ADAMTS16: variants seen among roughly 807,000 people sequenced by gnomAD.
The protein encoded by ADAMTS16 is A disintegrin and metalloproteinase with thrombospondin motifs 16.
In ADAMTS16, 94 loss-of-function variants were observed where a neutral mutation model predicts 145.8. The ratio of observed to expected loss-of-function variants is 0.64; its 90% CI spans 0.55 to 0.77. The LOEUF (loss-of-function observed/expected upper bound fraction) is 0.77, where lower values mean the gene tolerates loss of function less well. Ranked by LOEUF, ADAMTS16 falls within the 30% of genes least tolerant of loss-of-function variation. ADAMTS16 has a pLI of 0.00. For synonymous variants in ADAMTS16, 659 were observed against 604.3 expected (o/e 1.09, Z -1.33); for missense variants, 1,585 against 1,591.5 (o/e 1.00, Z 0.07).
chr5:5,300,787 A>T (rs1400464325), intron 18 of ADAMTS16, among the ~76,000 whole-genome samples: 2 of 152,170 alleles, frequency 1.3e-5, no homozygotes, highest in Non-Finnish European at 2.9e-5. Flanking sequence ...CTCTAAAATT[A>T]CTTGAGTCAC....
intron 14 of ADAMTS16, among the ~76,000 whole-genome samples, chr5:5,238,627 G>A (rs34149058): frequency 3.1e-3 from 465 of 152,236 alleles, no homozygotes; most frequent in Middle Eastern, 0.027. Flanking sequence ...CTCTTTGTTA[G>A]AAAGTGTAAT....
chr5:5,217,887 C>T (rs1414838279), intron 10 of ADAMTS16, among the ~76,000 whole-genome samples: 1 of 152,170 alleles, frequency 6.6e-6, no homozygotes, highest in Non-Finnish European at 1.5e-5. Context: ...ATCATCATTG[C>T]TTTGGTGGCC....
intron 10 of ADAMTS16, among the ~76,000 whole-genome samples, chr5:5,219,540 G>T (rs767420917): frequency 6.6e-6 from 1 of 152,216 alleles, no homozygotes; most frequent in Non-Finnish European, 1.5e-5. Context: ...GTTTGTATGG[G>T]ACAGAGTGTC....
chr5:5,185,391 G>A (rs138097483), intron 4 of ADAMTS16, among the ~76,000 whole-genome samples: 139 of 152,272 alleles, frequency 9.1e-4, no homozygotes, highest in African/African-American at 3.2e-3. Flanking sequence ...TTTCAATGTA[G>A]TGTTAACCTA....
At chr5:5,285,436 C>T (rs773545265) in intron 18 of ADAMTS16, among the ~76,000 whole-genome samples, 4 of 152,230 alleles carry the variant, frequency 2.6e-5, no homozygotes, top group Non-Finnish European at 5.9e-5. Flanking sequence ...AACTCGGGTG[C>T]AGCCCCGACT....
chr5:5,194,343 G>A (rs1391565865), intron 8 of ADAMTS16, among the ~76,000 whole-genome samples: 1 of 152,172 alleles, frequency 6.6e-6, no homozygotes, highest in Non-Finnish European at 1.5e-5. Context: ...AGTAGTAACG[G>A]TAATGATAAT....
rs1184968571 is a variant in ADAMTS16, at chr5:5,269,912, T to C, written c.2789+7129T>C. On this transcript the variant is annotated intron_variant, in intron 18 of 22. Coordinates refer to ENST00000274181, the MANE Select transcript of ADAMTS16 (RefSeq NM_139056.4). The surrounding 1 kb of genome is among the most constrained non-coding windows in gnomAD (Gnocchi z 4.3). ...GCAGTTCAGCAGCAGAGGGCCAGTC[T>C]AGGGGAAGCTGGAGCTGATGTGTCC... Among the ~76,000 whole-genome samples the C allele has an allele frequency of 1.3e-5, 2 of 152,184 alleles. No individual in the cohort carries two copies. Among genetic ancestry groups the C allele is most frequent in the Non-Finnish European group, 2.9e-5 (2 of 68,016 alleles).
intron 11 of ADAMTS16, among the ~76,000 whole-genome samples, chr5:5,228,401 A>G (rs550812730): frequency 4.5e-4 from 69 of 152,358 alleles, no homozygotes; most frequent in African/African-American, 1.6e-3. Flanking sequence ...TTTTTAATAT[A>G]TAAAAGAGAT....
At chr5:5,297,051 T>G (rs1437529665) in intron 18 of ADAMTS16, among the ~76,000 whole-genome samples, 1 of 152,186 alleles carries the variant, frequency 6.6e-6, no homozygotes, top group Non-Finnish European at 1.5e-5. Flanking sequence ...ACAACAGCAC[T>G]GTTTTGGAGA....
intron 10 of ADAMTS16, among the ~76,000 whole-genome samples, chr5:5,210,402 AG>A (rs1421614841): frequency 9.2e-5 from 14 of 152,186 alleles, no homozygotes; most frequent in Non-Finnish European, 1.2e-4. Context: ...TTTATTATTG[AG>A]GACATATTTA....
At chr5:5,235,968 C>T (rs191821705) in intron 13 of ADAMTS16, among the ~76,000 whole-genome samples, 2 of 152,268 alleles carry the variant, frequency 1.3e-5, no homozygotes, top group East Asian at 1.9e-4. Context: ...CAAGCAATTT[C>T]CCGGAAGCAT....
intron 8 of ADAMTS16, among the ~76,000 whole-genome samples, chr5:5,192,233 C>G (rs1317784142): frequency 2.0e-5 from 3 of 152,162 alleles, no homozygotes; most frequent in Non-Finnish European, 4.4e-5. Context: ...GCACAAGTTT[C>G]CATGTCCCTG....
chr5:5,148,938 G>T (rs566202776), intron 3 of ADAMTS16, among the ~76,000 whole-genome samples: 4 of 152,072 alleles, frequency 2.6e-5, no homozygotes, highest in African/African-American at 9.7e-5. Flanking sequence ...GAGTGTCAGG[G>T]TAGGATTTTA....
At chr5:5,219,279 ATTG>A (rs1736525532) in intron 10 of ADAMTS16, among the ~76,000 whole-genome samples, 1 of 152,170 alleles carries the variant, frequency 6.6e-6, no homozygotes, top group Non-Finnish European at 1.5e-5. Flanking sequence ...TATACAATAA[ATTG>A]TTGTTAACTA....
intron 21 of ADAMTS16, among the ~76,000 whole-genome samples, chr5:5,308,636 C>T (rs559903595): frequency 1.3e-5 from 2 of 152,238 alleles, no homozygotes; most frequent in African/African-American, 2.4e-5. Flanking sequence ...TTGTGGGCCC[C>T]GAGCCTAGTA....
chr5:5,176,225 C>T (rs1480065042), intron 3 of ADAMTS16: 1 of 152,266 alleles, frequency 6.6e-6, no homozygotes, highest in Non-Finnish European at 1.5e-5. Context: ...CTCTCTCCCA[C>T]TGAAATGTTT....
At position 5,235,093 on chromosome 5, in the gene ADAMTS16, A is replaced by T; in HGVS notation, c.1930A>T (p.Ser644Cys). 6.2e-7 allele frequency: 1 copy of T among 1,608,270 alleles called. No homozygotes were observed. The highest frequency in any genetic ancestry group is 1.1e-5 in the South Asian group (1 of 90,878). ...CAACAGTCAGAAATGTCCCCGGGAC[A>T]GTGTTGACTTCCGTGCTGCTCAGTG... ...LCNSQKCPRD[S>C]VDFRAAQCAE... The change falls in exon 13 of 23, where the codon AGT becomes TGT. Residue 644 changes from serine (S) to cysteine (C), a missense_variant. This residue lies in a region of ADAMTS16 where 834 missense variants were observed against 811.7 expected (regional missense o/e 1.03). Transcript: ENST00000274181.
At chr5:5,239,962 T>C in intron 16 of ADAMTS16, 37 bp downstream of exon 16, 1 of 1,608,990 alleles carries the variant, frequency 6.2e-7, no homozygotes, top group Non-Finnish European at 8.5e-7. Flanking sequence ...GCTTGGATTT[T>C]GGGGGTGTTC....
rs745854121 is a variant in ADAMTS16 at position 5,239,292 on chromosome 5, G to T, written c.2278+18G>T. ...CACCAACCGTGAGTACTTTAGAGCT[G>T]CCTGCAAGCCTTGGGCAAAGAAGAT... On this transcript the variant is annotated intron_variant, in intron 15 of 22. Coordinates refer to ENST00000274181, the MANE Select transcript of ADAMTS16 (RefSeq NM_139056.4). 7 of 1,524,428 alleles carry T rather than the reference G, an allele frequency of 4.6e-6. No individual in the cohort carries two copies. The South Asian group carries it at 9.3e-5, about 20-fold the overall frequency. 94.4% of individuals were successfully genotyped at this position (1,524,428 alleles called of 1,614,324 possible).
Sources: gnomAD v4.1 joint callset for allele counts (sites outside exome capture counted in the v4.1 genomes callset) on GRCh38, gnomAD v4.1.1 for gene constraint, gnomAD v4.1.1 regional missense constraint, Gnocchi (gnomAD v3.1) non-coding constraint, MANE v1.5 for transcripts, NCBI Gene and HGNC (gene_info 2026-07-23, HGNC 2026-07-21) for gene names.